The following VRK2 variants were observed in gnomAD, a reference collection of about 807,000 sequenced individuals.
VRK2 encodes serine/threonine-protein kinase VRK2.
A neutral mutation model predicts 57.6 loss-of-function variants in VRK2; 60 were observed. The observed-to-expected ratio is 1.04, with a 90% CI of 0.85 to 1.29. The LOEUF (loss-of-function observed/expected upper bound fraction) is 1.29. VRK2 is among the 50% of genes most tolerant of loss of function. The pLI is 0.00. For synonymous variants in VRK2, 231 were observed against 199.2 expected (o/e 1.16, Z -1.35); for missense variants, 705 against 588.1 (o/e 1.20, Z -2.06).
At chr2:58,026,723 G>A (rs755256378) in intron 2 of VRK2, 11 of 151,744 alleles carry the variant, frequency 7.2e-5, no homozygotes, top group Non-Finnish European at 1.5e-4. Context: ...TTGTTTATTC[G>A]TTTTTGTTTT....
chr2:58,024,585 T>C (rs2103680452), intron 1 of VRK2, among the ~76,000 whole-genome samples: 1 of 152,298 alleles, frequency 6.6e-6, no homozygotes, highest in African/African-American at 2.4e-5. Flanking sequence ...CTTCCTGATA[T>C]TTTATTTTGG....
chr2:58,105,222 A>G (rs1454689583), intron 7 of VRK2, among the ~76,000 whole-genome samples: 2 of 152,016 alleles, frequency 1.3e-5, no homozygotes, highest in East Asian at 3.8e-4. Flanking sequence ...AATTAAACTG[A>G]AAAACCTCTG....
intron 12 of VRK2, among the ~76,000 whole-genome samples, chr2:58,150,587 C>T: frequency 7.6e-6 from 1 of 132,044 alleles, no homozygotes; most frequent in African/African-American, 2.8e-5. Context: ...CAAAGACCAA[C>T]CTTTGGTTTT....
intron 2 of VRK2, among the ~76,000 whole-genome samples, chr2:58,078,516 G>A (rs1670435066): frequency 6.6e-6 from 1 of 152,020 alleles, no homozygotes; most frequent in Non-Finnish European, 1.5e-5. Context: ...TACATACCCA[G>A]AAATGGGATT....
downstream of VRK2, chr2:58,159,892 A>C: frequency 6.4e-7 from 1 of 1,570,912 alleles, no homozygotes; most frequent in Non-Finnish European, 8.6e-7. Flanking sequence ...GAATAGTGTC[A>C]TAGTACAGTT....
intron 2 of VRK2, chr2:58,058,271 A>G (rs752159772): frequency 8.9e-6 from 4 of 449,410 alleles, no homozygotes; most frequent in Non-Finnish European, 1.4e-5. Context: ...ACTTTTGGGA[A>G]TGATGAATTT....
In VRK2 at chr2:57,964,819, G is replaced by T. The variant is rs531467001; in HGVS notation, c.-439+56980G>T. 6.8e-5 allele frequency among the ~76,000 whole-genome samples: 9 copies of T among 132,378 alleles called. No individual in the cohort carries two copies. In the Admixed American group the frequency reaches 7.1e-4, roughly 10 times the overall value. 86.8% of individuals were successfully genotyped at this position (132,378 alleles called of 152,430 possible). A position where few individuals can be genotyped will look rare whatever the true frequency, so the allele number is the denominator to read the frequency against. ...AAGGATCACCTGAGAGGTGAAGGTTGCAGTGAGTCAATATTGCACCACTGC... is the reference window on the plus strand; with the variant it reads ...AAGGATCACCTGAGAGGTGAAGGTTTCAGTGAGTCAATATTGCACCACTGC... On this transcript the variant is annotated intron_variant, in intron 1 of 15. Transcript: ENST00000417641.
chr2:58,046,005 G>A (rs369395498), upstream of VRK2, among the ~76,000 whole-genome samples: 211 of 152,146 alleles, frequency 1.4e-3, 3 homozygotes, highest in African/African-American at 4.8e-3. Flanking sequence ...CACCACGCCT[G>A]GCTAATTTTT....
At chr2:58,057,396 T>G (rs1429433955) in intron 2 of VRK2, among the ~76,000 whole-genome samples, 1 of 152,196 alleles carries the variant, frequency 6.6e-6, no homozygotes, top group Non-Finnish European at 1.5e-5. Context: ...AGAAGCTGTG[T>G]ACTTAATCCA....
intron 8 of VRK2, among the ~76,000 whole-genome samples, chr2:58,125,142 T>G (rs1678129540): frequency 6.6e-6 from 1 of 152,154 alleles, no homozygotes; most frequent in African/African-American, 2.4e-5. Context: ...TGATACCAAC[T>G]TATGTTTGAG....
intron 7 of VRK2, among the ~76,000 whole-genome samples, chr2:58,113,629 C>T (rs1018191272): frequency 6.6e-6 from 1 of 151,674 alleles, no homozygotes; most frequent in Admixed American, 6.6e-5. Context: ...TGGGCAGGGG[C>T]GGGGTCACAA....
chr2:58,023,196 T>G (rs1673817266), intron 1 of VRK2, among the ~76,000 whole-genome samples: 1 of 152,232 alleles, frequency 6.6e-6, no homozygotes, highest in South Asian at 2.1e-4. Flanking sequence ...TGAATTTGAC[T>G]ACTTTAGGCA....
At chr2:58,007,410 C>T (rs1178001427) in intron 1 of VRK2, among the ~76,000 whole-genome samples, 1 of 151,856 alleles carries the variant, frequency 6.6e-6, no homozygotes, top group African/African-American at 2.4e-5. Context: ...TTTCTTCCAC[C>T]TCTTCCAGCC....
chr2:58,017,504 C>T (rs1174333180), intron 1 of VRK2, among the ~76,000 whole-genome samples: 4 of 152,176 alleles, frequency 2.6e-5, no homozygotes, highest in Non-Finnish European at 4.4e-5. Context: ...CAATTTTCTC[C>T]GCTGGGGCCT....
At chr2:58,116,639 C>T (rs944614389) in intron 7 of VRK2, among the ~76,000 whole-genome samples, 27 of 152,214 alleles carry the variant, frequency 1.8e-4, no homozygotes, top group Non-Finnish European at 2.5e-4. Flanking sequence ...GCTCAGCATC[C>T]GTGATGGTCT....
chr2:58,087,363 T>C (rs1671776228), intron 5 of VRK2, among the ~76,000 whole-genome samples: 1 of 152,160 alleles, frequency 6.6e-6, no homozygotes, highest in Non-Finnish European at 1.5e-5. Flanking sequence ...TCATGATACA[T>C]CCATATCATG....
intron 10 of VRK2, among the ~76,000 whole-genome samples, chr2:58,136,934 TATATATTATATATC>T (rs1558685132): frequency 8.1e-5 from 11 of 136,638 alleles, no homozygotes; most frequent in African/African-American, 3.1e-4. Context: ...GTATATATCA[TATATATTATATATC>T]ATATATGTGT....
At chr2:58,008,540 G>A (rs1487141457) in intron 1 of VRK2, among the ~76,000 whole-genome samples, 1 of 150,590 alleles carries the variant, frequency 6.6e-6, no homozygotes, top group Non-Finnish European at 1.5e-5. Context: ...AAGAAAAGAA[G>A]GAAGGCAGAA....
chr2:58,027,297 C>G (rs1170035679), intron 2 of VRK2, among the ~76,000 whole-genome samples: 1 of 151,994 alleles, frequency 6.6e-6, no homozygotes, highest in Non-Finnish European at 1.5e-5. Context: ...TGCCATCCAA[C>G]CCTATGGTCA....
Sources: gnomAD v4.1 joint callset for allele counts (sites outside exome capture counted in the v4.1 genomes callset) on GRCh38, gnomAD v4.1.1 for gene constraint, MANE v1.5 for transcripts, NCBI Gene and HGNC (gene_info 2026-07-23, HGNC 2026-07-21) for gene names.